The following ZFHX3 variants were observed in gnomAD, a reference collection of about 807,000 sequenced individuals.
ZFHX3 encodes zinc finger homeobox protein 3.
ZFHX3 carries 42 observed loss-of-function variants against 279.1 expected under a neutral mutation model. The ratio of observed to expected loss-of-function variants is 0.15; its 90% CI spans 0.12 to 0.19. The LOEUF (loss-of-function observed/expected upper bound fraction) is 0.19, where lower values mean the gene tolerates loss of function less well. Among genes scored for constraint, ZFHX3 ranks in the 10% least tolerant of loss-of-function variants. The pLI, the probability that ZFHX3 is intolerant of heterozygous loss-of-function variation, is 1.00. For missense variants in ZFHX3, 4,981 were observed against 4,754.0 expected (o/e 1.05, Z -1.40); for synonymous variants, 2,293 against 1,957.8 (o/e 1.17, Z -4.52).
rs3812983 is a variant in ZFHX3, at chr16:72,783,683, T to G, written c.*3481A>C. ...AAGATGGATGAAATAACTCCCATTCTGTGGGTCAGACTGGTGTCTAGCACC... is the reference window on the plus strand; with the variant it reads ...AAGATGGATGAAATAACTCCCATTCGGTGGGTCAGACTGGTGTCTAGCACC... On this transcript the variant is annotated 3_prime_UTR_variant, in exon 10 of 10. Transcript: ENST00000268489. 6.6e-6 allele frequency: 1 copy of G among 152,320 alleles called. No homozygotes were observed. Among genetic ancestry groups the G allele is most frequent in the African/African-American group, 2.4e-5 (1 of 41,578 alleles). 9.4% of individuals were successfully genotyped at this position (152,320 alleles called of 1,614,324 possible).
chr16:73,656,154 C>T (rs1175328726), intron 2 of ZFHX3, among the ~76,000 whole-genome samples: 1 of 152,110 alleles, frequency 6.6e-6, no homozygotes, highest in African/African-American at 2.4e-5. Flanking sequence ...CCATGCTTAT[C>T]CATTTACATG....
intron 1 of ZFHX3, among the ~76,000 whole-genome samples, chr16:73,751,662 C>T (rs897923112): frequency 2.0e-5 from 3 of 152,014 alleles, no homozygotes; most frequent in Non-Finnish European, 2.9e-5. Flanking sequence ...TTTTATAGGC[C>T]TATCTTCTCA....
At chr16:72,815,611 C>T (rs72793293) in intron 5 of ZFHX3, among the ~76,000 whole-genome samples, 19,571 of 152,074 alleles carry the variant, frequency 0.13, 1,748 homozygotes, top group Middle Eastern at 0.2. Flanking sequence ...GTATGAATAC[C>T]AAGAGAGAAA....
intron 1 of ZFHX3, among the ~76,000 whole-genome samples, chr16:73,737,970 G>T (rs1029320439): frequency 3.9e-5 from 6 of 152,114 alleles, no homozygotes; most frequent in African/African-American, 1.4e-4. Context: ...AAGGTTTGGT[G>T]GGGGAGGAGG....
At chr16:73,078,224 A>G (rs1411693808) in intron 8 of ZFHX3, among the ~76,000 whole-genome samples, 2 of 152,216 alleles carry the variant, frequency 1.3e-5, no homozygotes, top group African/African-American at 4.8e-5. Flanking sequence ...CAGTGGCCAC[A>G]GGATCTGCAC....
chr16:73,022,027 T>C (rs1010974108), intron 1 of ZFHX3, among the ~76,000 whole-genome samples: 1 of 152,052 alleles, frequency 6.6e-6, no homozygotes, highest in Non-Finnish European at 1.5e-5. Flanking sequence ...CCACCGAACC[T>C]GCCAACTACT....
chr16:73,402,485 G>A (rs1189238022), intron 3 of ZFHX3: 1 of 152,186 alleles, frequency 6.6e-6, no homozygotes, highest in Admixed American at 6.5e-5. Flanking sequence ...ATGTCATATG[G>A]CTACAAAAGT....
intron 1 of ZFHX3, among the ~76,000 whole-genome samples, chr16:73,711,354 A>G (rs1476508561): frequency 6.6e-6 from 1 of 152,222 alleles, no homozygotes; most frequent in Non-Finnish European, 1.5e-5. Context: ...TTTAATAATT[A>G]TTGGCTGGGA....
intron 5 of ZFHX3, among the ~76,000 whole-genome samples, chr16:73,150,365 T>C (rs1025795240): frequency 6.6e-6 from 1 of 152,134 alleles, no homozygotes; most frequent in Non-Finnish European, 1.5e-5. Context: ...CAAGTCCTGC[T>C]CCTGCCCCTT....
chr16:73,308,221 A>T (rs1850469532), intron 4 of ZFHX3, among the ~76,000 whole-genome samples: 1 of 111,596 alleles, frequency 9.0e-6, no homozygotes, highest in African/African-American at 3.6e-5. Flanking sequence ...AGCCATATGC[A>T]TGCATATATA....
At position 73,193,547 on chromosome 16, in the gene ZFHX3, A is replaced by C. The variant is rs564544651; in HGVS notation, c.-1103-49716T>G. Among the ~76,000 whole-genome samples the C allele has an allele frequency of 3.7e-4, 57 of 152,234 alleles. 1 individual carries two copies. Among genetic ancestry groups the C allele is most frequent in the African/African-American group, 1.3e-3 (55 of 41,544 alleles). The stretch of plus-strand genomic sequence containing the variant: ...CCAGTATCCTGGGGGTAAGGACTGG[A>C]GTGAAGCAAGTTAAGGTATATATTA... On this transcript the variant is annotated intron_variant, in intron 5 of 17. Transcript: ENST00000641206.
At chr16:73,071,723 C>T (rs571419153) in intron 8 of ZFHX3, among the ~76,000 whole-genome samples, 29 of 152,302 alleles carry the variant, frequency 1.9e-4, no homozygotes, top group African/African-American at 7.0e-4. Context: ...GGGCACAGAG[C>T]CAGAGCATGC....
At chr16:73,879,147 C>G (rs1254027607) in intron 1 of ZFHX3, among the ~76,000 whole-genome samples, 1 of 151,528 alleles carries the variant, frequency 6.6e-6, no homozygotes, top group Admixed American at 6.6e-5. Context: ...CCTTGGGGTC[C>G]TTTTCTGCAA....
intron 4 of ZFHX3, among the ~76,000 whole-genome samples, chr16:72,882,679 C>T (rs1320357388): frequency 2.0e-5 from 3 of 152,148 alleles, no homozygotes; most frequent in Admixed American, 6.5e-5. Context: ...AACAGCACTG[C>T]ATATGTCCAC....
Position 72,937,171 on chromosome 16 carries a change from G to C in ZFHX3, c.3216+13298C>G, listed in dbSNP as rs78226663. 4.8e-3 allele frequency among the ~76,000 whole-genome samples: 727 copies of C among 152,226 alleles called. 2 individuals are homozygous for C. The highest frequency in any genetic ancestry group is 0.017 in the African/African-American group (691 of 41,534). On this transcript the variant is annotated intron_variant, in intron 3 of 9. Coordinates refer to ENST00000268489, the MANE Select transcript of ZFHX3 (RefSeq NM_006885.4). ...GACATTCGAATGCAAATGCCAGGTG[G>C]GGAGCTGGATACAGGAAGAGGCCTA...
At chr16:73,781,902 G>A (rs549218796) in intron 1 of ZFHX3, among the ~76,000 whole-genome samples, 2 of 152,240 alleles carry the variant, frequency 1.3e-5, no homozygotes, top group South Asian at 2.1e-4. Flanking sequence ...CAGGAGAATC[G>A]CTTGAACCCA....
At chr16:73,709,654 G>A (rs867778262) in intron 1 of ZFHX3, among the ~76,000 whole-genome samples, 1 of 152,020 alleles carries the variant, frequency 6.6e-6, no homozygotes, top group Non-Finnish European at 1.5e-5. Flanking sequence ...GTGGGTCAAA[G>A]GATACAAAAT....
intron 3 of ZFHX3, among the ~76,000 whole-genome samples, chr16:73,352,756 G>T (rs1460052121): frequency 6.6e-6 from 1 of 151,968 alleles, no homozygotes; most frequent in Non-Finnish European, 1.5e-5. Context: ...TTTAAGTAAG[G>T]GACACAACTA....
chr16:72,886,234 C>G (rs755215640), intron 4 of ZFHX3, among the ~76,000 whole-genome samples: 6 of 152,020 alleles, frequency 3.9e-5, no homozygotes, highest in Non-Finnish European at 5.9e-5. Context: ...TTATATGGAC[C>G]GAACTGGAGC....
Sources: allele counts gnomAD v4.1 joint callset (sites outside exome capture counted in the v4.1 genomes callset), GRCh38; gene constraint gnomAD v4.1.1; transcripts MANE v1.5; gene names NCBI Gene and HGNC (gene_info 2026-07-23, HGNC 2026-07-21).